The following STUB1 variants were observed in gnomAD, a reference collection of about 807,000 sequenced individuals.
STUB1 encodes STIP1 homology and U-box containing protein 1.
A neutral mutation model predicts 40.3 loss-of-function variants in STUB1; 37 were observed. That is an observed-to-expected ratio of 0.92 (90% CI 0.71 to 1.21). STUB1 has a LOEUF of 1.21. Ranked by LOEUF, STUB1 falls within the 50% of genes most tolerant of loss-of-function variation. The probability of loss-of-function intolerance (pLI) is 0.00; values close to 1 mark genes in which losing one functional copy is unlikely to be tolerated. For missense variants in STUB1, 460 were observed against 421.9 expected (o/e 1.09, Z -0.79); for synonymous variants, 246 against 171.9 (o/e 1.43, Z -3.37).
chr16:681,163 G>A lies in STUB1; in HGVS notation c.171G>A (p.Pro57=). The A allele has an allele frequency of 6.4e-7, 1 of 1,563,146 alleles. No individual in the cohort carries two copies. The highest frequency in any genetic ancestry group is 8.7e-7 in the Non-Finnish European group (1 of 1,154,428). ...ACYGRAITRN[P]LVAVYYTNRA... ...GCCTTGGTCCCTAGACCCGGAACCC[G>A]CTGGTGGCCGTGTATTACACCAACC... The change falls in exon 2 of 7, where the codon CCG becomes CCA. Residue 57 remains proline (P), a synonymous_variant. Transcript: ENST00000219548.
In STUB1 at chr16:682,289, C is replaced by T. The variant is rs1045969087; in HGVS notation, c.786+8C>T. On this transcript the variant is annotated splice_region_variant and intron_variant, in intron 6 of 6. Transcript: ENST00000219548. ...ATCGAGGAGCACCTGCAGGTGAGGCCTGCGGCTGGGGGAGCAGGGCCAGTG... is the reference window on the plus strand; with the variant it reads ...ATCGAGGAGCACCTGCAGGTGAGGCTTGCGGCTGGGGGAGCAGGGCCAGTG... The T allele has an allele frequency of 2.7e-6, 4 of 1,491,830 alleles. No homozygotes were observed. The African/African-American group carries it at 1.1e-4, about 39-fold the overall frequency. The allele number at this position is 1,491,830 out of a possible 1,614,324, so 92.4% of individuals were successfully genotyped here.
rs2039721303 is a variant in STUB1, at chr16:682,667, T to A, written c.*178T>A. ...GCTGGGCCGTGATCGTCCCCCTTTGTGGGCTGGAAAAGCAGGTGAGGGTGG... is the reference window on the plus strand; with the variant it reads ...GCTGGGCCGTGATCGTCCCCCTTTGAGGGCTGGAAAAGCAGGTGAGGGTGG... On this transcript the variant is annotated 3_prime_UTR_variant, in exon 7 of 7. Transcript: ENST00000219548. 2 of 1,412,680 alleles carry A rather than the reference T, an allele frequency of 1.4e-6. No individual in the cohort carries two copies. Among genetic ancestry groups the A allele is most frequent in the Non-Finnish European group, 1.9e-6 (2 of 1,031,026 alleles). 87.5% of individuals were successfully genotyped at this position (1,412,680 alleles called of 1,614,324 possible). A position where few individuals can be genotyped will look rare whatever the true frequency, so the allele number is the denominator to read the frequency against.
chr16:681,049 T>C, intron 1 of STUB1, 103 bp from the exon 2 acceptor site: 1 of 1,225,550 alleles, frequency 8.2e-7, no homozygotes. Flanking sequence ...AGAAACCTAG[T>C]TTCTTGATTC....
chr16:682,598 C>A lies in STUB1; in HGVS notation c.*109C>A. The A allele has an allele frequency of 6.6e-7, 1 of 1,514,276 alleles. No individual in the cohort carries two copies. The highest frequency in any genetic ancestry group is 9.0e-7 in the Non-Finnish European group (1 of 1,110,764). The allele number at this position is 1,514,276 out of a possible 1,614,324, so 93.8% of individuals were successfully genotyped here. On this transcript the variant is annotated 3_prime_UTR_variant, in exon 7 of 7. Coordinates refer to ENST00000219548, the MANE Select transcript of STUB1 (RefSeq NM_005861.4). ...CCACCCCGACCGCTTCCCCCAAGTT[C>A]TGCTGTTGGACTCTGGACTGTTTCC...
At position 682,636 on chromosome 16, in the gene STUB1, G is replaced by A. The variant is rs1019508976; in HGVS notation, c.*147G>A. ...CTGGACTGTTTCCCCTCTCAGCATC[G>A]CTTTTGCTGGGCCGTGATCGTCCCC... On this transcript the variant is annotated 3_prime_UTR_variant, in exon 7 of 7. Coordinates refer to ENST00000219548, the MANE Select transcript of STUB1 (RefSeq NM_005861.4). The A allele has an allele frequency of 8.4e-6, 12 of 1,425,088 alleles. No individual in the cohort carries two copies. Among genetic ancestry groups the A allele is most frequent in the East Asian group, 4.7e-5 (2 of 42,740 alleles). The allele number at this position is 1,425,088 out of a possible 1,614,324, so 88.3% of individuals were successfully genotyped here. A position where few individuals can be genotyped will look rare whatever the true frequency, so the allele number is the denominator to read the frequency against.
Position 681,632 on chromosome 16 carries a change from C to G in STUB1, c.524+29C>G, listed in dbSNP as rs1257077731. 15 of 1,588,744 alleles carry G rather than the reference C, an allele frequency of 9.4e-6. No homozygotes were observed. In the Admixed American group the frequency reaches 1.2e-4, roughly 13 times the overall value. On this transcript the variant is annotated intron_variant, in intron 3 of 6. Coordinates refer to ENST00000219548, the MANE Select transcript of STUB1 (RefSeq NM_005861.4). ...GGACCCTCACCCCAGGCCGCCCTGT[C>G]TTGGGATAATTCTGAATCACCGACT...
Position 680,710 on chromosome 16 carries a change from G to C in STUB1, c.159+26G>C. 8.3e-7 allele frequency: 1 copy of C among 1,207,922 alleles called. No homozygotes were observed. The highest frequency in any genetic ancestry group is 1.0e-6 in the Non-Finnish European group (1 of 968,988). The allele number at this position is 1,207,922 out of a possible 1,614,324, so 74.8% of individuals were successfully genotyped here. ...GTGAGTGCGCCCGCGCGGGGAGGGC[G>C]GCGGCGGTGGCACCGGGGAGGGCCG... On this transcript the variant is annotated intron_variant, in intron 1 of 6. Coordinates refer to ENST00000219548, the MANE Select transcript of STUB1 (RefSeq NM_005861.4). The surrounding 1 kb of genome is among the most constrained non-coding windows in gnomAD (Gnocchi z 4.9).
Position 680,956 on chromosome 16 carries a change from C to G in STUB1, c.160-196C>G. On this transcript the variant is annotated intron_variant, in intron 1 of 6. Coordinates refer to ENST00000219548, the MANE Select transcript of STUB1 (RefSeq NM_005861.4). This position sits in a 1 kb window ranked among gnomAD's most constrained non-coding sequence, Gnocchi z 4.9. ...CTCTCCAAAGATTTGGAAAACTTTA[C>G]AAAACCAAGTGGAATCAAGCGGATA... 2 of 712,854 alleles carry G rather than the reference C, an allele frequency of 2.8e-6. No homozygotes were observed. Among genetic ancestry groups the G allele is most frequent in the South Asian group, 4.0e-5 (2 of 49,680 alleles). The allele number at this position is 712,854 out of a possible 1,614,324, so 44.2% of individuals were successfully genotyped here. A position where few individuals can be genotyped will look rare whatever the true frequency, so the allele number is the denominator to read the frequency against.
intron 3 of STUB1, 27 bp downstream of exon 3, chr16:681,630 G>T: frequency 1.9e-6 from 3 of 1,589,332 alleles, no homozygotes; most frequent in Non-Finnish European, 2.6e-6. Context: ...AGGCCGCCCT[G>T]TCTTGGGATA....
In STUB1 at chr16:681,024, G is replaced by A. The variant is rs2039641776; in HGVS notation, c.160-128G>A. On this transcript the variant is annotated intron_variant, in intron 1 of 6. Coordinates refer to ENST00000219548, the MANE Select transcript of STUB1 (RefSeq NM_005861.4). ...ACTGTGCACAGATCCTTGGACCCAG[G>A]GGCTTTGACAACTGAGAAACCTAGT... 1.6e-5 allele frequency: 15 copies of A among 955,102 alleles called. No homozygotes were observed. In the South Asian group the frequency reaches 2.0e-4, roughly 13 times the overall value. The allele number at this position is 955,102 out of a possible 1,614,324, so 59.2% of individuals were successfully genotyped here.
In STUB1 at chr16:681,874, C is replaced by T; in HGVS notation, c.606C>T (p.Ala202=). The part of the protein sequence containing the change: ...HVRAQQACIE[A]KHDKYMADMD... ...GGGCCCAGCAGGCCTGCATTGAGGC[C>T]AAGCACGTGAGGGTGCCCCCCACCC... Residue 202 remains alanine (A), a synonymous_variant, in exon 4 of 7, where the codon GCC becomes GCT. Coordinates refer to ENST00000219548, the MANE Select transcript of STUB1 (RefSeq NM_005861.4). 1 of 1,612,956 alleles carries T rather than the reference C, an allele frequency of 6.2e-7. No individual in the cohort carries two copies. Among genetic ancestry groups the T allele is most frequent in the Non-Finnish European group, 8.5e-7 (1 of 1,179,986 alleles).
intron 3 of STUB1, 60 bp downstream of exon 3, chr16:681,663 CA>C: frequency 6.4e-7 from 1 of 1,569,252 alleles, no homozygotes; most frequent in Non-Finnish European, 8.7e-7. Flanking sequence ...CGACTCCCGA[CA>C]CAAGCGTTTA....
At position 682,598 on chromosome 16, in the gene STUB1, C is replaced by T. The variant is rs2039717094; in HGVS notation, c.*109C>T. 11 of 1,514,276 alleles carry T rather than the reference C, an allele frequency of 7.3e-6. No individual in the cohort carries two copies. Among genetic ancestry groups the T allele is most frequent in the Admixed American group, 1.8e-5 (1 of 54,532 alleles). The allele number at this position is 1,514,276 out of a possible 1,614,324, so 93.8% of individuals were successfully genotyped here. On this transcript the variant is annotated 3_prime_UTR_variant, in exon 7 of 7. Coordinates refer to ENST00000219548, the MANE Select transcript of STUB1 (RefSeq NM_005861.4). Reference sequence around the variant, plus strand: ...CCACCCCGACCGCTTCCCCCAAGTTCTGCTGTTGGACTCTGGACTGTTTCC... The same window carrying T: ...CCACCCCGACCGCTTCCCCCAAGTTTTGCTGTTGGACTCTGGACTGTTTCC...
rs2151504480 is a variant in STUB1, at chr16:681,432, C to T, written c.359-6C>T. On this transcript the variant is annotated splice_region_variant and splice_polypyrimidine_tract_variant and intron_variant, in intron 2 of 6. Transcript: ENST00000219548. The stretch of plus-strand genomic sequence containing the variant: ...CAGAGAGTGACGTGAAGCCCCCGTT[C>T]CCCAGCTTACAGCCTGGCCAAGGAG... 6.2e-7 allele frequency: 1 copy of T among 1,609,936 alleles called. No homozygotes were observed. The highest frequency in any genetic ancestry group is 8.5e-7 in the Non-Finnish European group (1 of 1,177,576).
intron 4 of STUB1, 38 bp downstream of exon 4, chr16:681,918 G>A (rs754468294): frequency 2.5e-5 from 40 of 1,612,620 alleles, no homozygotes; most frequent in Non-Finnish European, 1.3e-5. Context: ...GTCTGTGTGT[G>A]TGCACGTGGC....
Position 682,224 on chromosome 16 carries a change from G to A in STUB1, c.729G>A (p.Pro243=), listed in dbSNP as rs139885596. ...GKISFELMRE[P]CITPSGITYD... Reference sequence around the variant, plus strand: ...TCAGCTTTGAGCTGATGCGGGAGCCGTGCATCACGCCCAGTGGCATCACCT... The same window carrying A: ...TCAGCTTTGAGCTGATGCGGGAGCCATGCATCACGCCCAGTGGCATCACCT... The change falls in exon 6 of 7, where the codon CCG becomes CCA. Residue 243 remains proline (P), a synonymous_variant. Transcript: ENST00000219548. The A allele has an allele frequency of 3.0e-5, 49 of 1,613,036 alleles. No homozygotes were observed. Among genetic ancestry groups the A allele is most frequent in the Admixed American group, 2.8e-4 (17 of 60,024 alleles).
rs1301660992 is a variant in STUB1, at chr16:682,610, T to C, written c.*121T>C. ...CTTCCCCCAAGTTCTGCTGTTGGAC[T>C]CTGGACTGTTTCCCCTCTCAGCATC... is the stretch of plus-strand genomic sequence containing the variant. On this transcript the variant is annotated 3_prime_UTR_variant, in exon 7 of 7. Transcript: ENST00000219548. 2 of 1,477,096 alleles carry C rather than the reference T, an allele frequency of 1.4e-6. No individual in the cohort carries two copies. Among genetic ancestry groups the C allele is most frequent in the Admixed American group, 1.9e-5 (1 of 52,400 alleles). The allele number at this position is 1,477,096 out of a possible 1,614,324, so 91.5% of individuals were successfully genotyped here.
chr16:681,556 C>A lies in STUB1; in HGVS notation c.477C>A (p.Ser159Arg), dbSNP rs750520142. 1 of 1,611,486 alleles carries A rather than the reference C, an allele frequency of 6.2e-7. No individual in the cohort carries two copies. Among genetic ancestry groups the A allele is most frequent in the Non-Finnish European group, 8.5e-7 (1 of 1,179,800 alleles). ...SIEERRIHQE[S>R]ELHSYLSRLI... ...AGGAGCGGCGCATCCACCAGGAGAG[C>A]GAGCTGCACTCCTACCTCTCCAGGC... The change falls in exon 3 of 7, where the codon AGC (serine) becomes AGA (arginine). Residue 159 changes from serine to arginine, a missense_variant. By Grantham distance (110) the Ser-to-Arg change is moderately radical (BLOSUM62 -1). Transcript: ENST00000219548.
In STUB1 at chr16:680,653, C is replaced by T. The variant is rs1053933750; in HGVS notation, c.128C>T (p.Pro43Leu). Reference protein sequence around the residue: ...GNRLFVGRKYPEAAACYGRAI... With the variant: ...GNRLFVGRKYLEAAACYGRAI... Reference sequence around the variant, plus strand: ...CGTCTGTTCGTGGGCCGAAAGTACCCGGAGGCGGCGGCCTGCTACGGCCGC... The same window carrying T: ...CGTCTGTTCGTGGGCCGAAAGTACCTGGAGGCGGCGGCCTGCTACGGCCGC... The change falls in exon 1 of 7, where the codon CCG becomes CTG. Residue 43 changes from proline (P) to leucine (L), a missense_variant. Coordinates refer to ENST00000219548, the MANE Select transcript of STUB1 (RefSeq NM_005861.4). This position sits in a 1 kb window ranked among gnomAD's most constrained non-coding sequence, Gnocchi z 4.9. The T allele has an allele frequency of 2.3e-6, 3 of 1,311,032 alleles. No homozygotes were observed. The highest frequency in any genetic ancestry group is 1.5e-5 in the African/African-American group (1 of 65,016). 81.2% of individuals were successfully genotyped at this position (1,311,032 alleles called of 1,614,324 possible).
Sources: gnomAD v4.1 joint callset for allele counts on GRCh38, gnomAD v4.1.1 for gene constraint, Gnocchi (gnomAD v3.1) non-coding constraint, MANE v1.5 for transcripts, NCBI Gene and HGNC (gene_info 2026-07-23, HGNC 2026-07-21) for gene names.